SPATS1: variants seen among roughly 807,000 people sequenced by gnomAD.
The protein encoded by SPATS1 is spermatogenesis-associated serine-rich protein 1.
A neutral mutation model predicts 33.6 loss-of-function variants in SPATS1; 23 were observed. That is an observed-to-expected ratio of 0.68 (90% CI 0.49 to 0.97). SPATS1 has a LOEUF of 0.97. Among genes scored for constraint, SPATS1 ranks in the 50% least tolerant of loss-of-function variants. SPATS1 has a pLI of 0.00. For synonymous variants in SPATS1, 131 were observed against 125.6 expected, an observed-to-expected ratio of 1.04 and a Z score of -0.29; for missense variants, 327 against 361.0, an observed-to-expected ratio of 0.91 and a Z score of 0.76.
At chr6:44,369,142 C>A (rs555184174) in intron 6 of SPATS1, among the ~76,000 whole-genome samples, 5 of 152,128 alleles carry the variant, frequency 3.3e-5, no homozygotes, top group Non-Finnish European at 7.4e-5. Context: ...GTGATCCGCC[C>A]GCCTTGGCCT....
At chr6:44,345,729 A>G (rs1177557849) in intron 2 of SPATS1, among the ~76,000 whole-genome samples, 1 of 152,190 alleles carries the variant, frequency 6.6e-6, no homozygotes, top group Admixed American at 6.5e-5. Context: ...CATTTCATTC[A>G]CATATGTGAA....
intron 3 of SPATS1, among the ~76,000 whole-genome samples, chr6:44,353,183 G>A (rs763823743): frequency 3.3e-5 from 5 of 152,178 alleles, no homozygotes; most frequent in Non-Finnish European, 7.3e-5. Flanking sequence ...CTGTGTAAGT[G>A]CTTGCTATTA....
intron 3 of SPATS1, among the ~76,000 whole-genome samples, chr6:44,358,769 T>C (rs1205435723): frequency 1.3e-5 from 2 of 152,214 alleles, no homozygotes; most frequent in Non-Finnish European, 2.9e-5. Context: ...CTTTTGTCTG[T>C]ATAGATTTGC....
intron 3 of SPATS1, among the ~76,000 whole-genome samples, chr6:44,354,859 G>A (rs1788469300): frequency 6.6e-6 from 1 of 152,002 alleles, no homozygotes; most frequent in Non-Finnish European, 1.5e-5. Flanking sequence ...ATCTTGTTCT[G>A]TCACCCAGGC....
intron 7 of SPATS1, among the ~76,000 whole-genome samples, chr6:44,370,980 T>C (rs1789573129): frequency 1.3e-5 from 1 of 79,550 alleles, no homozygotes; most frequent in Non-Finnish European, 2.6e-5. Flanking sequence ...AAAAGAAAGG[T>C]TTTTTTTTTT....
intron 7 of SPATS1, among the ~76,000 whole-genome samples, chr6:44,375,447 G>A (rs1330011979): frequency 6.6e-6 from 1 of 152,164 alleles, no homozygotes; most frequent in Non-Finnish European, 1.5e-5. Context: ...GAGGAACTAG[G>A]TAAGAAATGC....
chr6:44,358,596 C>A (rs62401171), intron 3 of SPATS1, among the ~76,000 whole-genome samples: 2 of 152,132 alleles, frequency 1.3e-5, no homozygotes, highest in Non-Finnish European at 2.9e-5. Context: ...AAACTGTGCA[C>A]ACAACTCGAT....
At chr6:44,360,612 T>G (rs373506829) in intron 4 of SPATS1, 42 bp downstream of exon 4, 1 of 1,610,678 alleles carries the variant, frequency 6.2e-7, no homozygotes, top group Non-Finnish European at 8.5e-7. Context: ...GTGCCCCAGG[T>G]CTTTTCAGAA....
intron 5 of SPATS1, 63 bp from the exon 6 acceptor site, chr6:44,368,316 T>TAA: frequency 6.4e-7 from 1 of 1,553,716 alleles, no homozygotes; most frequent in Admixed American, 1.8e-5. Context: ...TGCCAATACT[T>TAA]ACAGCAAATC....
chr6:44,347,786 C>T (rs945219468), intron 2 of SPATS1, among the ~76,000 whole-genome samples: 3 of 151,884 alleles, frequency 2.0e-5, no homozygotes, highest in African/African-American at 7.3e-5. Context: ...CAATTTTATT[C>T]TATTTATGTT....
intron 8 of SPATS1, 91 bp from the exon 9 acceptor site, chr6:44,376,944 C>G (rs1343998041): frequency 6.8e-7 from 1 of 1,479,794 alleles, no homozygotes; most frequent in Non-Finnish European, 9.4e-7. Flanking sequence ...GGGCAGATGT[C>G]ATAGCCAAGC....
intron 6 of SPATS1, among the ~76,000 whole-genome samples, chr6:44,369,691 G>C (rs956859946): frequency 1.1e-4 from 16 of 151,934 alleles, no homozygotes; most frequent in African/African-American, 3.9e-4. Context: ...GGGCAACATG[G>C]AGAAACCCCT....
chr6:44,348,659 T>A (rs868447135), intron 2 of SPATS1, among the ~76,000 whole-genome samples: 16 of 150,990 alleles, frequency 1.1e-4, no homozygotes, highest in Admixed American at 2.6e-4. Context: ...ATGTAGAACG[T>A]GTGTTCATAG....
chr6:44,375,448 T>C (rs539405032), intron 7 of SPATS1, among the ~76,000 whole-genome samples: 31 of 152,082 alleles, frequency 2.0e-4, no homozygotes, highest in Non-Finnish European at 4.4e-4. Context: ...AGGAACTAGG[T>C]AAGAAATGCC....
At chr6:44,347,496 C>G (rs1354868754) in intron 2 of SPATS1, among the ~76,000 whole-genome samples, 1 of 152,040 alleles carries the variant, frequency 6.6e-6, no homozygotes, top group Non-Finnish European at 1.5e-5. Flanking sequence ...GAGGCATATT[C>G]AAATCTATGC....
intron 3 of SPATS1, among the ~76,000 whole-genome samples, chr6:44,358,914 A>AT: frequency 6.6e-6 from 1 of 152,190 alleles, no homozygotes; most frequent in Non-Finnish European, 1.5e-5. Flanking sequence ...ATTGTAGTAA[A>AT]ATATATATGG....
intron 6 of SPATS1, among the ~76,000 whole-genome samples, chr6:44,368,727 C>T (rs549865164): frequency 1.3e-5 from 2 of 152,240 alleles, no homozygotes; most frequent in African/African-American, 4.8e-5. Flanking sequence ...AATTTTGTTC[C>T]TATCTCTATT....
chr6:44,352,717 G>A lies in SPATS1; in HGVS notation c.140-9G>A. 1 of 1,613,148 alleles carries A rather than the reference G, an allele frequency of 6.2e-7. No individual in the cohort carries two copies. Among genetic ancestry groups the A allele is most frequent in the East Asian group, 2.2e-5 (1 of 44,890 alleles). Reference sequence around the variant, plus strand: ...AATGTAATTAAATGGTGATATCTCTGTGTTACAGGTGCTAATTGCAGTGAT... The same window carrying A: ...AATGTAATTAAATGGTGATATCTCTATGTTACAGGTGCTAATTGCAGTGAT... On this transcript the variant is annotated splice_polypyrimidine_tract_variant and intron_variant, in intron 2 of 8. Transcript: ENST00000674044.
intron 5 of SPATS1, among the ~76,000 whole-genome samples, chr6:44,365,430 C>T (rs1427204758): frequency 6.6e-6 from 1 of 152,238 alleles, no homozygotes; most frequent in Non-Finnish European, 1.5e-5. Context: ...GAAATCTCTG[C>T]AGCTTAAGCA....
Sources: allele counts gnomAD v4.1 joint callset (sites outside exome capture counted in the v4.1 genomes callset), GRCh38; gene constraint gnomAD v4.1.1; transcripts MANE v1.5; gene names NCBI Gene and HGNC (gene_info 2026-07-23, HGNC 2026-07-21).